The following SENP7 variants were observed in gnomAD, a reference collection of about 807,000 sequenced individuals.
SENP7 encodes SUMO specific peptidase 7, also known as sentrin-specific protease 7.
SENP7 carries 64 observed loss-of-function variants against 141.2 expected under a neutral mutation model. The ratio of observed to expected loss-of-function variants is 0.45; its 90% CI spans 0.37 to 0.56. SENP7 has a LOEUF of 0.56. Among genes scored for constraint, SENP7 ranks in the 20% least tolerant of loss-of-function variants. The pLI is 0.00. For missense variants in SENP7, 1,025 were observed against 1,212.2 expected (o/e 0.85, Z 2.29); for synonymous variants, 382 against 426.4 (o/e 0.90, Z 1.28).
chr3:101,347,687 A>C (rs896387929), intron 13 of SENP7, 185 bp downstream of exon 13: 20 of 338,888 alleles, frequency 5.9e-5, no homozygotes, highest in African/African-American at 4.5e-4. Context: ...GTGCCACTGC[A>C]CTCCAGCCTG....
chr3:101,326,130 ATT>A (rs2058892432), intron 23 of SENP7, 50 bp from the exon 24 acceptor site: 5 of 1,388,944 alleles, frequency 3.6e-6, no homozygotes, highest in Non-Finnish European at 4.8e-6. Context: ...ATAATTTCAA[ATT>A]TGTTTTAATT....
chr3:101,449,036 GTGA>G (rs2063011042), intron 4 of SENP7, among the ~76,000 whole-genome samples: 1 of 152,110 alleles, frequency 6.6e-6, no homozygotes, highest in Admixed American at 6.6e-5. Context: ...CTTAAAAGAC[GTGA>G]TGGAGCTGAA....
At chr3:101,453,108 T>C (rs1349282814) in intron 4 of SENP7, among the ~76,000 whole-genome samples, 2 of 151,932 alleles carry the variant, frequency 1.3e-5, no homozygotes, top group African/African-American at 2.4e-5. Context: ...AAAAGACACA[T>C]GAAAAAATGC....
intron 5 of SENP7, among the ~76,000 whole-genome samples, chr3:101,402,315 A>G (rs1169964882): frequency 2.6e-5 from 4 of 152,240 alleles, no homozygotes; most frequent in African/African-American, 4.8e-5. Flanking sequence ...AAAAGATCCA[A>G]TGGCCCTTAA....
At chr3:101,395,631 A>G (rs1299910407) in intron 6 of SENP7, among the ~76,000 whole-genome samples, 1 of 152,156 alleles carries the variant, frequency 6.6e-6, no homozygotes, top group Non-Finnish European at 1.5e-5. Context: ...TTTTAATTCC[A>G]TATGATCTTA....
intron 4 of SENP7, among the ~76,000 whole-genome samples, chr3:101,455,611 G>T (rs1286685496): frequency 6.6e-6 from 1 of 152,104 alleles, no homozygotes; most frequent in Non-Finnish European, 1.5e-5. Context: ...GTGAAAATGA[G>T]ATCAAGCGAG....
At chr3:101,359,514 C>T (rs561556056) in intron 11 of SENP7, among the ~76,000 whole-genome samples, 12 of 151,904 alleles carry the variant, frequency 7.9e-5, no homozygotes, top group South Asian at 6.2e-4. Flanking sequence ...CTGGCCAGGA[C>T]TTCTGACAAT....
chr3:101,427,421 T>C (rs1232391965), intron 4 of SENP7, among the ~76,000 whole-genome samples: 2 of 143,510 alleles, frequency 1.4e-5, no homozygotes, highest in African/African-American at 2.6e-5. Flanking sequence ...ACCCGGGAGG[T>C]GGCGGTTGCA....
At chr3:101,429,951 G>T (rs1295307278) in intron 4 of SENP7, among the ~76,000 whole-genome samples, 2 of 152,064 alleles carry the variant, frequency 1.3e-5, no homozygotes, top group African/African-American at 4.8e-5. Flanking sequence ...TAATCATGTG[G>T]TTTTTGTCGT....
At chr3:101,478,289 G>A (rs2064304429) in intron 3 of SENP7, among the ~76,000 whole-genome samples, 2 of 152,100 alleles carry the variant, frequency 1.3e-5, no homozygotes, top group Non-Finnish European at 2.9e-5. Context: ...AGGCCAAGTT[G>A]GGAGGACTGC....
chr3:101,343,879 A>G lies in SENP7; in HGVS notation c.1913T>C (p.Ile638Thr), dbSNP rs758944215. Residue 638 changes from isoleucine (I) to threonine (T), a missense_variant, in exon 14 of 24, where the codon ATT (isoleucine) becomes ACT (threonine). By Grantham distance (89) the Ile-to-Thr change is moderately conservative (BLOSUM62 -1). Transcript: ENST00000394095. ...ACTGATTATACTTATTTCCGTCATA[A>G]TATCTTTCAGCTTCAATTCTTCTCT... ...SQREELKLKD[I>T]MTEISIISGE... 4 of 1,612,918 alleles carry G rather than the reference A, an allele frequency of 2.5e-6. No individual in the cohort carries two copies. Among genetic ancestry groups the G allele is most frequent in the Non-Finnish European group, 2.5e-6 (3 of 1,179,166 alleles).
At chr3:101,391,117 C>T (rs1424889980) in intron 6 of SENP7, among the ~76,000 whole-genome samples, 1 of 151,946 alleles carries the variant, frequency 6.6e-6, no homozygotes, top group Non-Finnish European at 1.5e-5. Context: ...AAATTTATAG[C>T]AGTAAACACC....
At chr3:101,444,651 C>G (rs572250751) in intron 4 of SENP7, among the ~76,000 whole-genome samples, 1 of 148,406 alleles carries the variant, frequency 6.7e-6, no homozygotes, top group Non-Finnish European at 1.5e-5. Context: ...AACAAAAAAC[C>G]AAACACCGTA....
chr3:101,380,507 G>A (rs2060472759), intron 6 of SENP7, among the ~76,000 whole-genome samples: 1 of 150,398 alleles, frequency 6.6e-6, no homozygotes, highest in Non-Finnish European at 1.5e-5. Flanking sequence ...GTGGGGCACA[G>A]TGGTGCACAC....
intron 3 of SENP7, among the ~76,000 whole-genome samples, chr3:101,463,370 T>TAC (rs2063622919): frequency 1.2e-5 from 1 of 83,670 alleles, no homozygotes; most frequent in African/African-American, 5.5e-5. Context: ...AATAAATATA[T>TAC]ATATATATAT....
In SENP7 at chr3:101,409,684, G is replaced by A. The variant is rs190481511; in HGVS notation, c.482+7909C>T. ...AAAGCAAACAAAAACATAAAGTGAG[G>A]AAAGAACACTCTTTTCAACAAATGG... On this transcript the variant is annotated intron_variant, in intron 5 of 23. Coordinates refer to ENST00000394095, the MANE Select transcript of SENP7 (RefSeq NM_020654.5). Among the ~76,000 whole-genome samples the A allele has an allele frequency of 2.3e-3, 350 of 152,250 alleles. 1 individual carries two copies. The highest frequency in any genetic ancestry group is 4.4e-3 in the Non-Finnish European group (299 of 68,000).
chr3:101,475,044 A>G (rs1178665021), intron 3 of SENP7, among the ~76,000 whole-genome samples: 1 of 152,204 alleles, frequency 6.6e-6, no homozygotes, highest in East Asian at 1.9e-4. Context: ...TATATATCCC[A>G]TGTAAATGGA....
intron 4 of SENP7, among the ~76,000 whole-genome samples, chr3:101,440,790 G>A (rs918823743): frequency 4.6e-5 from 7 of 151,984 alleles, no homozygotes; most frequent in East Asian, 1.9e-4. Flanking sequence ...ATCCAGCAAC[G>A]TATTAAGAAT....
intron 4 of SENP7, among the ~76,000 whole-genome samples, chr3:101,437,807 G>C (rs2062447388): frequency 1.3e-5 from 2 of 151,914 alleles, no homozygotes; most frequent in African/African-American, 4.8e-5. Flanking sequence ...CTCCAAAGAA[G>C]ATATATGAAT....
Sources: allele counts gnomAD v4.1 joint callset (sites outside exome capture counted in the v4.1 genomes callset), GRCh38; gene constraint gnomAD v4.1.1; transcripts MANE v1.5; gene names NCBI Gene and HGNC (gene_info 2026-07-23, HGNC 2026-07-21).